The following TAOK1 variants were observed in gnomAD, a reference collection of about 807,000 sequenced individuals.
The protein encoded by TAOK1 is TAO kinase 1, also known as serine/threonine-protein kinase TAO1.
Under a neutral mutation model 138.3 loss-of-function variants are expected in TAOK1, and 21 were observed. The ratio of observed to expected loss-of-function variants is 0.15; its 90% CI spans 0.11 to 0.22. The LOEUF is 0.22. TAOK1 is among the 10% of genes least tolerant of loss of function. TAOK1 has a pLI of 1.00. For synonymous variants in TAOK1, 361 were observed against 398.4 expected (o/e 0.91, Z 1.12); for missense variants, 651 against 1,227.7 (o/e 0.53, Z 7.02).
chr17:29,450,855 G>GC (rs1408649766), intron 1 of TAOK1, among the ~76,000 whole-genome samples: 1 of 152,116 alleles, frequency 6.6e-6, no homozygotes. Context: ...TGATATAAAG[G>GC]AATTGATAGG....
chr17:29,519,279 G>A (rs1598519114), intron 16 of TAOK1, among the ~76,000 whole-genome samples: 1 of 152,274 alleles, frequency 6.6e-6, no homozygotes, highest in East Asian at 1.9e-4. Flanking sequence ...GGGAGGCCAA[G>A]GCAGGTGGAT....
intron 14 of TAOK1, among the ~76,000 whole-genome samples, chr17:29,508,803 T>C (rs1193434098): frequency 6.6e-6 from 1 of 152,198 alleles, no homozygotes; most frequent in Admixed American, 6.6e-5. Flanking sequence ...ATAATTGTCA[T>C]TATTTTACAT....
intron 1 of TAOK1, among the ~76,000 whole-genome samples, chr17:29,411,376 C>T (rs1363384829): frequency 1.3e-5 from 2 of 151,844 alleles, no homozygotes; most frequent in African/African-American, 4.8e-5. Context: ...CAGGCGTGAG[C>T]CACCGCGCCC....
chr17:29,410,619 G>GTTT (rs61646352), intron 1 of TAOK1, among the ~76,000 whole-genome samples: 41 of 125,988 alleles, frequency 3.3e-4, no homozygotes, highest in African/African-American at 1.1e-3. Context: ...AGGGTTTTTT[G>GTTT]TTTTTTTTTT....
chr17:29,524,642 T>A (rs978508882), intron 17 of TAOK1, among the ~76,000 whole-genome samples: 11 of 152,226 alleles, frequency 7.2e-5, no homozygotes, highest in Non-Finnish European at 1.5e-4. Flanking sequence ...TTAGTCAACT[T>A]GAACATTTTA....
At chr17:29,435,239 T>C (rs530107836) in intron 1 of TAOK1, among the ~76,000 whole-genome samples, 1 of 152,338 alleles carries the variant, frequency 6.6e-6, no homozygotes, top group East Asian at 1.9e-4. Flanking sequence ...CAAGCAGGGT[T>C]AGTCTAAAAT....
intron 12 of TAOK1, among the ~76,000 whole-genome samples, chr17:29,500,072 G>T (rs1187811779): frequency 2.6e-5 from 4 of 152,138 alleles, no homozygotes; most frequent in African/African-American, 9.7e-5. Context: ...CTAGCATTTT[G>T]GGAAGCTGAG....
intron 1 of TAOK1, among the ~76,000 whole-genome samples, chr17:29,411,306 T>C (rs1380691287): frequency 1.3e-5 from 2 of 151,532 alleles, no homozygotes; most frequent in Non-Finnish European, 2.9e-5. Context: ...TTAGCCGGGA[T>C]GGTCTCGATC....
rs138877774 is a variant in TAOK1 at position 29,524,833 on chromosome 17, A to T, written c.2148+2314A>T. ...TTTGTGGGGGTGGGGTGCTGTTTCT[A>T]TGGAAAGGGTTGGGTGAAAATCTGC... On this transcript the variant is annotated intron_variant, in intron 17 of 19. Coordinates refer to ENST00000261716, the MANE Select transcript of TAOK1 (RefSeq NM_020791.4). 7.1e-3 allele frequency among the ~76,000 whole-genome samples: 1,082 copies of T among 152,188 alleles called. 17 individuals are homozygous for T. Among genetic ancestry groups the T allele is most frequent in the African/African-American group, 0.024 (1,017 of 41,520 alleles).
Position 29,397,780 on chromosome 17 carries a change from C to A in TAOK1, c.-95+6756C>A, listed in dbSNP as rs534899725. 7.2e-5 allele frequency among the ~76,000 whole-genome samples: 10 copies of A among 139,550 alleles called. No individual in the cohort carries two copies. The Admixed American group carries it at 7.2e-4, about 10-fold the overall frequency. The allele number at this position is 139,550 out of a possible 152,430, so 91.6% of individuals were successfully genotyped here. On this transcript the variant is annotated intron_variant, in intron 1 of 19. Transcript: ENST00000261716. Reference sequence around the variant, plus strand: ...ATGTATATATGTATACATGTATATTCGTGTGTATATATGTATATTCATGTA... The same window carrying A: ...ATGTATATATGTATACATGTATATTAGTGTGTATATATGTATATTCATGTA...
intron 8 of TAOK1, among the ~76,000 whole-genome samples, chr17:29,487,758 CAATA>C (rs772814093): frequency 3.3e-5 from 5 of 152,052 alleles, no homozygotes; most frequent in Non-Finnish European, 7.4e-5. Context: ...TGACTCCATA[CAATA>C]AATAAATAAA....
intron 19 of TAOK1, among the ~76,000 whole-genome samples, chr17:29,537,233 C>A (rs1250377577): frequency 6.6e-6 from 1 of 152,176 alleles, no homozygotes; most frequent in African/African-American, 2.4e-5. Flanking sequence ...CATGTTAATA[C>A]AAAGCCATTA....
chr17:29,445,493 T>C (rs1016283585), intron 1 of TAOK1: 1 of 152,242 alleles, frequency 6.6e-6, no homozygotes, highest in African/African-American at 2.4e-5. Context: ...ATACCTTTAA[T>C]AGGTTAAAGA....
chr17:29,411,097 T>TG (rs1233263245), intron 1 of TAOK1, among the ~76,000 whole-genome samples: 1 of 139,442 alleles, frequency 7.2e-6, no homozygotes, highest in Non-Finnish European at 1.6e-5. Flanking sequence ...TGTTTTTTTT[T>TG]TTTTTTTTTT....
chr17:29,443,335 T>C (rs2029994449), intron 1 of TAOK1, among the ~76,000 whole-genome samples: 1 of 152,242 alleles, frequency 6.6e-6, no homozygotes, highest in Admixed American at 6.5e-5. Context: ...ATCTTCTTTT[T>C]GTTGCTCTTG....
At chr17:29,414,508 C>T (rs1905221973) in intron 1 of TAOK1, among the ~76,000 whole-genome samples, 1 of 152,072 alleles carries the variant, frequency 6.6e-6, no homozygotes, top group East Asian at 1.9e-4. Flanking sequence ...CCTTGGCCTC[C>T]CAAAGTGCTG....
rs1318080494 is a variant in TAOK1, at chr17:29,546,777, A to C, written c.*3755A>C. ...GTAACTCATACTGTACATTTCCATC[A>C]GGGCACTTAAAAGTTCTGTTATTTT... On this transcript the variant is annotated 3_prime_UTR_variant, in exon 20 of 20. Coordinates refer to ENST00000261716, the MANE Select transcript of TAOK1 (RefSeq NM_020791.4). The C allele has an allele frequency of 6.6e-6, 1 of 152,142 alleles. No homozygotes were observed. The highest frequency in any genetic ancestry group is 2.4e-5 in the African/African-American group (1 of 41,450). 9.4% of individuals were successfully genotyped at this position (152,142 alleles called of 1,614,324 possible). A position where few individuals can be genotyped will look rare whatever the true frequency, so the allele number is the denominator to read the frequency against.
chr17:29,481,756 G>A (rs954971512), intron 7 of TAOK1, among the ~76,000 whole-genome samples: 4 of 151,874 alleles, frequency 2.6e-5, no homozygotes, highest in African/African-American at 4.8e-5. Flanking sequence ...TCAGGAGATC[G>A]AGACCATCCT....
chr17:29,410,787 C>T (rs1343267106), intron 1 of TAOK1, among the ~76,000 whole-genome samples: 1 of 151,200 alleles, frequency 6.6e-6, no homozygotes, highest in East Asian at 2.0e-4. Flanking sequence ...AGGCGCCCAC[C>T]ACCACGCCTG....
Sources: gnomAD v4.1 joint callset for allele counts (sites outside exome capture counted in the v4.1 genomes callset) on GRCh38, gnomAD v4.1.1 for gene constraint, MANE v1.5 for transcripts, NCBI Gene and HGNC (gene_info 2026-07-23, HGNC 2026-07-21) for gene names.